The following CLVS1 variants were observed in gnomAD, a reference collection of about 807,000 sequenced individuals.
CLVS1 encodes the protein clavesin 1.
Under a neutral mutation model 33.1 loss-of-function variants are expected in CLVS1, and 10 were observed. The observed-to-expected ratio is 0.30, with a 90% CI of 0.19 to 0.51. The LOEUF (loss-of-function observed/expected upper bound fraction) is 0.51, where lower values mean the gene tolerates loss of function less well. CLVS1 is among the 20% of genes least tolerant of loss of function. The pLI, the probability that CLVS1 is intolerant of heterozygous loss-of-function variation, is 0.97. For synonymous variants in CLVS1, 163 were observed against 166.1 expected, an observed-to-expected ratio of 0.98 and a Z score of 0.14; for missense variants, 343 against 433.4, an observed-to-expected ratio of 0.79 and a Z score of 1.85.
chr8:61,289,451 C>T (rs1809899669), intron 1 of CLVS1, among the ~76,000 whole-genome samples: 1 of 152,184 alleles, frequency 6.6e-6, no homozygotes, highest in Admixed American at 6.5e-5. Context: ...AAATAAGTGC[C>T]TGAGCCTGTC....
chr8:61,207,862 T>C (rs1474572463), intron 2 of CLVS1, among the ~76,000 whole-genome samples: 1 of 152,156 alleles, frequency 6.6e-6, no homozygotes, highest in Non-Finnish European at 1.5e-5. Flanking sequence ...GATTGAAAAA[T>C]CACTCAGGCT....
intron 2 of CLVS1, among the ~76,000 whole-genome samples, chr8:61,317,336 G>T (rs1811049565): frequency 6.6e-6 from 1 of 152,126 alleles, no homozygotes; most frequent in Non-Finnish European, 1.5e-5. Context: ...CTTTTACAAT[G>T]ACCTTACTCC....
rs112945378 is a variant in CLVS1, at chr8:61,255,166, A to G, written c.-151-44511A>G. Among the ~76,000 whole-genome samples the G allele has an allele frequency of 2.6e-4, 39 of 152,314 alleles. 2 individuals are homozygous for G. The highest frequency in any genetic ancestry group is 9.4e-4 in the African/African-American group (39 of 41,566). ...ATTATAAAGTTTTATGGAAGACAGG[A>G]TGAGATCACAGAATATTTCAGTGGG... On this transcript the variant is annotated intron_variant, in intron 2 of 2. Coordinates refer to the CLVS1 transcript ENST00000522621.
At chr8:61,035,390 A>T in the CLVS1 span, among the ~76,000 whole-genome samples, 1 of 152,220 alleles carries the variant, frequency 6.6e-6, no homozygotes, top group East Asian at 1.9e-4. Context: ...TGGTAAAATG[A>T]TGAGAAGACA....
At chr8:61,457,983 G>T (rs1215046388) in intron 4 of CLVS1, among the ~76,000 whole-genome samples, 1 of 152,230 alleles carries the variant, frequency 6.6e-6, no homozygotes, top group African/African-American at 2.4e-5. Context: ...CAATAGCTGG[G>T]GTTTCAGGTG....
At position 61,299,801 on chromosome 8, in the gene CLVS1, C is replaced by G; in HGVS notation, c.-27C>G. On this transcript the variant is annotated 5_prime_UTR_variant, in exon 2 of 6. Coordinates refer to ENST00000325897, the MANE Select transcript of CLVS1 (RefSeq NM_173519.3). ...TGGTAGTAAAACACTGTTGAATGGG[C>G]CACAGTTTCAGCAGACCATCAGGTG... 3 of 1,549,672 alleles carry G rather than the reference C, an allele frequency of 1.9e-6. No homozygotes were observed. Among genetic ancestry groups the G allele is most frequent in the East Asian group, 2.3e-5 (1 of 44,376 alleles).
chr8:61,349,873 G>A (rs946930091), intron 2 of CLVS1, among the ~76,000 whole-genome samples: 1 of 152,096 alleles, frequency 6.6e-6, no homozygotes, highest in Non-Finnish European at 1.5e-5. Context: ...GTGTAAGTGT[G>A]CACTACCAGC....
chr8:61,198,972 C>T (rs943026500), intron 2 of CLVS1, among the ~76,000 whole-genome samples: 4 of 152,124 alleles, frequency 2.6e-5, no homozygotes, highest in Admixed American at 1.3e-4. Flanking sequence ...TATTGGTTGA[C>T]GGGCACTTAG....
At chr8:61,060,037 C>A (rs765046724) in intron 1 of CLVS1, among the ~76,000 whole-genome samples, 8 of 152,036 alleles carry the variant, frequency 5.3e-5, no homozygotes, top group Admixed American at 2.0e-4. Flanking sequence ...AGTGCCCTGG[C>A]GATTCCGGAA....
At chr8:61,116,004 G>C (rs1458851354) in intron 1 of CLVS1, among the ~76,000 whole-genome samples, 1 of 146,322 alleles carries the variant, frequency 6.8e-6, no homozygotes, top group Non-Finnish European at 1.5e-5. Flanking sequence ...GTGTAAAAGT[G>C]TTCCTATTTC....
At chr8:61,053,981 C>T (rs893164406), upstream of CLVS1, among the ~76,000 whole-genome samples, 1 of 152,182 alleles carries the variant, frequency 6.6e-6, no homozygotes, top group Admixed American at 6.5e-5. Flanking sequence ...TATTTCATTT[C>T]CTAGACAATA....
chr8:61,105,637 A>G (rs1245837896), intron 1 of CLVS1, among the ~76,000 whole-genome samples: 1 of 152,244 alleles, frequency 6.6e-6, no homozygotes, highest in Non-Finnish European at 1.5e-5. Flanking sequence ...ATACTTGTAG[A>G]GACTGTCATT....
At chr8:61,339,410 T>G (rs2129598034) in intron 2 of CLVS1, among the ~76,000 whole-genome samples, 1 of 152,158 alleles carries the variant, frequency 6.6e-6, no homozygotes, top group East Asian at 1.9e-4. Flanking sequence ...TTCAAGCAAT[T>G]AAGAACCAAG....
At position 61,232,027 on chromosome 8, in the gene CLVS1, T is replaced by TTG. The variant is rs1388387189; in HGVS notation, c.-151-67649_-151-67648insGT. Among the ~76,000 whole-genome samples the TTG allele has an allele frequency of 2.7e-5, 3 of 113,186 alleles. 1 individual carries two copies. Among genetic ancestry groups the TTG allele is most frequent in the African/African-American group, 1.3e-4 (3 of 23,854 alleles). 74.3% of individuals were successfully genotyped at this position (113,186 alleles called of 152,430 possible). A position where few individuals can be genotyped will look rare whatever the true frequency, so the allele number is the denominator to read the frequency against. ...GGAGCCCTGAGGAAAGTTGTGGTTT[T>TTG]TTTTTTTTTTTTTTTTTTTTTTTGT... On this transcript the variant is annotated intron_variant, in intron 2 of 2. Transcript: ENST00000522621.
Position 61,221,616 on chromosome 8 carries a change from A to G in CLVS1, c.-151-78061A>G, listed in dbSNP as rs189950565. Among the ~76,000 whole-genome samples, 19 of 152,268 alleles carry G rather than the reference A, an allele frequency of 1.2e-4. No individual in the cohort carries two copies. In the East Asian group the frequency reaches 3.7e-3, roughly 29 times the overall value. ...TTTTATTGAGGATTTTTGCATCGAC[A>G]TTCATCAAGGATATTGGCCTGAAGT... On this transcript the variant is annotated intron_variant, in intron 2 of 2. Transcript: ENST00000522621.
intron 2 of CLVS1, among the ~76,000 whole-genome samples, chr8:61,348,059 T>G (rs1361270533): frequency 6.6e-5 from 10 of 151,984 alleles, no homozygotes; most frequent in Admixed American, 6.6e-4. Flanking sequence ...GACTCCTGAC[T>G]TTATTATTCC....
chr8:61,268,419 T>C (rs1173968083), intron 2 of CLVS1, among the ~76,000 whole-genome samples: 2 of 151,568 alleles, frequency 1.3e-5, no homozygotes, highest in African/African-American at 4.9e-5. Flanking sequence ...TCTATCATTG[T>C]TGGACATTTG....
chr8:61,217,764 A>C (rs1808121061), intron 2 of CLVS1, among the ~76,000 whole-genome samples: 1 of 152,262 alleles, frequency 6.6e-6, no homozygotes, highest in African/African-American at 2.4e-5. Flanking sequence ...CTTATACAGC[A>C]GGGGATTAAT....
chr8:61,233,004 GT>G (rs981834753), intron 2 of CLVS1, among the ~76,000 whole-genome samples: 1 of 152,140 alleles, frequency 6.6e-6, no homozygotes, highest in Admixed American at 6.5e-5. Flanking sequence ...GGTAAAATAT[GT>G]TTTTTAAGCA....
Sources: allele counts gnomAD v4.1 joint callset (sites outside exome capture counted in the v4.1 genomes callset), GRCh38; gene constraint gnomAD v4.1.1; transcripts MANE v1.5; gene names NCBI Gene and HGNC (gene_info 2026-07-23, HGNC 2026-07-21).